HIRA: variants seen among roughly 807,000 people sequenced by gnomAD.
The protein encoded by HIRA is protein HIRA.
A neutral mutation model predicts 126.6 loss-of-function variants in HIRA; 13 were observed. That is an observed-to-expected ratio of 0.10 (90% confidence interval 0.07 to 0.16). The LOEUF (loss-of-function observed/expected upper bound fraction) is 0.16. Ranked by LOEUF, HIRA falls within the 10% of genes least tolerant of loss-of-function variation. HIRA has a pLI of 1.00. For missense variants in HIRA, 834 were observed against 1,314.4 expected, an observed-to-expected ratio of 0.63 and a Z score of 5.65; for synonymous variants, 511 against 520.0, an observed-to-expected ratio of 0.98 and a Z score of 0.24.
chr22:19,402,346 T>C (rs760334406), intron 5 of HIRA, among the ~76,000 whole-genome samples: 9 of 152,274 alleles, frequency 5.9e-5, no homozygotes, highest in Non-Finnish European at 1.5e-5. Flanking sequence ...TCATTTTGTA[T>C]CTTAAAACGT....
At chr22:19,383,552 T>C in intron 13 of HIRA, 68 bp downstream of exon 13, 1 of 1,261,146 alleles carries the variant, frequency 7.9e-7, no homozygotes, top group Admixed American at 1.8e-5. Flanking sequence ...ACTGTGAAAG[T>C]GTTAACCGCT....
At chr22:19,388,639 GC>G (rs2146221531) in intron 9 of HIRA, 85 bp from the exon 10 acceptor site, 1 of 1,036,424 alleles carries the variant, frequency 9.6e-7, no homozygotes, top group South Asian at 1.3e-5. Flanking sequence ...CAACCTAGAA[GC>G]CTGGGTCAAA....
At chr22:19,384,521 C>G (rs2089107043) in intron 12 of HIRA, among the ~76,000 whole-genome samples, 1 of 151,912 alleles carries the variant, frequency 6.6e-6, no homozygotes. Context: ...ATAAGACACC[C>G]AAGCAAAGAA....
chr22:19,415,695 AG>A (rs2089390602), intron 1 of HIRA, among the ~76,000 whole-genome samples: 1 of 152,168 alleles, frequency 6.6e-6, no homozygotes, highest in Non-Finnish European at 1.5e-5. Context: ...AGGCTGAGGC[AG>A]GAGAATTGCT....
At chr22:19,359,841 G>A (rs1208305324) in intron 17 of HIRA, among the ~76,000 whole-genome samples, 2 of 152,198 alleles carry the variant, frequency 1.3e-5, no homozygotes, top group Non-Finnish European at 2.9e-5. Context: ...GCAAAGGACC[G>A]AGCTGGGAGT....
intron 1 of HIRA, among the ~76,000 whole-genome samples, chr22:19,421,717 G>A (rs1013192072): frequency 1.3e-5 from 2 of 152,074 alleles, no homozygotes; most frequent in Non-Finnish European, 2.9e-5. Context: ...TGTCACCCAG[G>A]CTGGACCGCA....
intron 24 of HIRA, among the ~76,000 whole-genome samples, chr22:19,335,800 G>A (rs189473727): frequency 1.3e-5 from 2 of 152,166 alleles, no homozygotes; most frequent in South Asian, 4.1e-4. Flanking sequence ...CATAGTGAAT[G>A]TCTTAACTAT....
intron 5 of HIRA, among the ~76,000 whole-genome samples, chr22:19,400,395 T>G (rs751317623): frequency 6.6e-6 from 1 of 152,198 alleles, no homozygotes; most frequent in Admixed American, 6.6e-5. Context: ...GAATCCATTT[T>G]GATAAGCGAT....
Position 19,331,194 on chromosome 22 carries a change from C to A in HIRA, c.*246G>T, listed in dbSNP as rs1556004442. 1 of 1,424,000 alleles carries A rather than the reference C, an allele frequency of 7.0e-7. No homozygotes were observed. Among genetic ancestry groups the A allele is most frequent in the South Asian group, 1.2e-5 (1 of 82,066 alleles). 88.2% of individuals were successfully genotyped at this position (1,424,000 alleles called of 1,614,324 possible). A position where few individuals can be genotyped will look rare whatever the true frequency, so the allele number is the denominator to read the frequency against. On this transcript the variant is annotated 3_prime_UTR_variant, in exon 25 of 25. Transcript: ENST00000263208. ...CTGGCCCCAGGGCACCTGGGCAGAGCTCCAGCCCTAGCTCCGCATCGGGGG... is the reference window on the plus strand; with the variant it reads ...CTGGCCCCAGGGCACCTGGGCAGAGATCCAGCCCTAGCTCCGCATCGGGGG...
Position 19,332,511 on chromosome 22 carries a change from T to C in HIRA, c.2938-955A>G, listed in dbSNP as rs2146500909. On this transcript the variant is annotated intron_variant, in intron 24 of 24. Coordinates refer to ENST00000263208, the MANE Select transcript of HIRA (RefSeq NM_003325.4). ...ACTATCTGGTCCTTTACAGAAAAGT[T>C]TGTCAACTCCTAAAATAGATCATGT... Among the ~76,000 whole-genome samples the C allele has an allele frequency of 2.6e-5, 4 of 152,268 alleles. No individual in the cohort carries two copies. The South Asian group carries it at 8.3e-4, about 32-fold the overall frequency.
At chr22:19,421,628 T>C (rs2089447058) in intron 1 of HIRA, among the ~76,000 whole-genome samples, 2 of 152,188 alleles carry the variant, frequency 1.3e-5, no homozygotes, top group Non-Finnish European at 2.9e-5. Context: ...ATAGCAACTC[T>C]GCCCTTAGAC....
intron 11 of HIRA, 103 bp downstream of exon 11, chr22:19,387,608 T>C: frequency 1.4e-6 from 1 of 721,610 alleles, no homozygotes; most frequent in Non-Finnish European, 2.4e-6. Context: ...AGAAATGACT[T>C]GTCTGTGTAT....
At chr22:19,383,588 G>C (rs554002111) in intron 13 of HIRA, 32 bp downstream of exon 13, 6 of 1,553,458 alleles carry the variant, frequency 3.9e-6, no homozygotes, top group Non-Finnish European at 5.3e-6. Context: ...GATCTCGCCA[G>C]ATAAGACCAT....
At chr22:19,405,699 C>T in intron 5 of HIRA, 87 bp downstream of exon 5, 1 of 1,050,364 alleles carries the variant, frequency 9.5e-7, no homozygotes. Flanking sequence ...CTTTAAGGAC[C>T]AAACAGTCCC....
At chr22:19,372,011 C>T (rs1266259158) in intron 15 of HIRA, among the ~76,000 whole-genome samples, 2 of 152,160 alleles carry the variant, frequency 1.3e-5, no homozygotes, top group Non-Finnish European at 2.9e-5. Flanking sequence ...CAGATGATAA[C>T]TCTATATTTT....
At chr22:19,332,407 A>G (rs1556004859) in intron 24 of HIRA, among the ~76,000 whole-genome samples, 1 of 152,144 alleles carries the variant, frequency 6.6e-6, no homozygotes, top group African/African-American at 2.4e-5. Context: ...AGCAGCCCAC[A>G]CTCCAACAGG....
chr22:19,363,482 G>A (rs2088884225), intron 15 of HIRA, among the ~76,000 whole-genome samples: 1 of 151,886 alleles, frequency 6.6e-6, no homozygotes, highest in Non-Finnish European at 1.5e-5. Flanking sequence ...CAAGAAAAGG[G>A]GTGATTCTAA....
rs1556012792 is a variant in HIRA, at chr22:19,356,976, G to A, written c.2310C>T (p.Pro770=). 3.1e-6 allele frequency: 5 copies of A among 1,613,966 alleles called. No homozygotes were observed. In the South Asian group the frequency reaches 3.3e-5, roughly 11 times the overall value. The part of the protein sequence containing the change: ...FSTCGRRLLS[P]ILLPSPISTL... The stretch of plus-strand genomic sequence containing the variant: ...TAGAGATCGGGGATGGCAGGAGGAT[G>A]GGAGAGAGGAGACGGCGACCACAGG... Residue 770 remains proline (P), a synonymous_variant, in exon 19 of 25, where the codon CCC becomes CCT. Transcript: ENST00000263208.
chr22:19,334,113 T>G (rs2088530377), intron 24 of HIRA, among the ~76,000 whole-genome samples: 1 of 151,892 alleles, frequency 6.6e-6, no homozygotes, highest in African/African-American at 2.4e-5. Context: ...TAGCTGGGAC[T>G]ACAGGCGCCG....
Sources: allele counts gnomAD v4.1 joint callset (sites outside exome capture counted in the v4.1 genomes callset), GRCh38; gene constraint gnomAD v4.1.1; transcripts MANE v1.5; gene names NCBI Gene and HGNC (gene_info 2026-07-23, HGNC 2026-07-21).